Variants in MPPED2 observed in about 807,000 individuals in gnomAD.
The protein encoded by MPPED2 is metallophosphoesterase domain containing 2.
In MPPED2, 5 loss-of-function variants were observed where a neutral mutation model predicts 33.0. The ratio of observed to expected loss-of-function variants is 0.15; its 90% confidence interval spans 0.08 to 0.32. The LOEUF (loss-of-function observed/expected upper bound fraction) is 0.32. MPPED2 is among the 10% of genes least tolerant of loss of function. MPPED2 has a pLI of 1.00. For missense variants in MPPED2, 275 were observed against 372.1 expected, an observed-to-expected ratio of 0.74 and a Z score of 2.15; for synonymous variants, 136 against 141.9, an observed-to-expected ratio of 0.96 and a Z score of 0.29.
intron 1 of MPPED2, among the ~76,000 whole-genome samples, chr11:30,582,786 A>C (rs561354047): frequency 1.3e-5 from 2 of 152,300 alleles, no homozygotes; most frequent in African/African-American, 4.8e-5. Context: ...GCCTCTTTGC[A>C]CCTTTGCCCC....
intron 2 of MPPED2, among the ~76,000 whole-genome samples, chr11:30,570,586 C>G (rs1956645918): frequency 6.6e-6 from 1 of 152,100 alleles, no homozygotes; most frequent in Non-Finnish European, 1.5e-5. Flanking sequence ...CAAAATAAAA[C>G]AAACTGGAGA....
At chr11:30,426,339 C>A (rs118151165) in intron 4 of MPPED2, among the ~76,000 whole-genome samples, 4,101 of 152,304 alleles carry the variant, frequency 0.027, 93 homozygotes, top group Admixed American at 0.063. Flanking sequence ...GTTAGAAATT[C>A]ATTCCTTTTT....
At chr11:30,506,165 G>T (rs1952817438) in intron 3 of MPPED2, among the ~76,000 whole-genome samples, 1 of 152,010 alleles carries the variant, frequency 6.6e-6, no homozygotes, top group African/African-American at 2.4e-5. Flanking sequence ...AGCCTCCCAA[G>T]TAGCTGGGAC....
At chr11:30,414,930 G>A (rs572448223) in intron 5 of MPPED2, among the ~76,000 whole-genome samples, 1 of 152,066 alleles carries the variant, frequency 6.6e-6, no homozygotes, top group African/African-American at 2.4e-5. Flanking sequence ...AGCAAGCTGG[G>A]GCTAATTGAC....
intron 3 of MPPED2, among the ~76,000 whole-genome samples, chr11:30,511,095 G>C (rs1190951723): frequency 6.6e-6 from 1 of 152,054 alleles, no homozygotes; most frequent in African/African-American, 2.4e-5. Context: ...CTGTAGCATT[G>C]GATAAAAGAA....
intron 3 of MPPED2, among the ~76,000 whole-genome samples, chr11:30,510,388 T>C (rs1270321543): frequency 1.3e-5 from 2 of 152,222 alleles, no homozygotes; most frequent in African/African-American, 4.8e-5. Flanking sequence ...TCTTCCATGA[T>C]ACTAACATCA....
At chr11:30,541,448 A>G (rs1955109082) in intron 2 of MPPED2, among the ~76,000 whole-genome samples, 1 of 152,208 alleles carries the variant, frequency 6.6e-6, no homozygotes, top group South Asian at 2.1e-4. Context: ...CCATGTGTGC[A>G]GTATAACCTT....
chr11:30,486,860 T>C (rs528043479), intron 4 of MPPED2, among the ~76,000 whole-genome samples: 2 of 152,336 alleles, frequency 1.3e-5, no homozygotes, highest in African/African-American at 4.8e-5. Context: ...CTATCATCTC[T>C]AGTCTTTCCG....
At chr11:30,457,851 C>G (rs1950345254) in intron 4 of MPPED2, among the ~76,000 whole-genome samples, 1 of 152,134 alleles carries the variant, frequency 6.6e-6, no homozygotes, top group Non-Finnish European at 1.5e-5. Context: ...CGTGAGTCTC[C>G]CCAGAATCTC....
At chr11:30,565,438 C>T (rs894966226) in intron 2 of MPPED2, among the ~76,000 whole-genome samples, 30 of 152,100 alleles carry the variant, frequency 2.0e-4, no homozygotes, top group African/African-American at 7.0e-4. Context: ...TTTACCTAAA[C>T]AATGTCACTG....
chr11:30,426,464 A>G (rs1948843203), intron 4 of MPPED2, among the ~76,000 whole-genome samples: 1 of 152,252 alleles, frequency 6.6e-6, no homozygotes, highest in East Asian at 1.9e-4. Context: ...GGAGACCCGG[A>G]TAATAAGTCC....
intron 4 of MPPED2, among the ~76,000 whole-genome samples, chr11:30,445,109 G>A (rs1949744714): frequency 6.6e-6 from 1 of 152,080 alleles, no homozygotes; most frequent in Non-Finnish European, 1.5e-5. Flanking sequence ...TAGGTATGCA[G>A]TCATTGCCTG....
At chr11:30,484,252 T>C (rs1008429838) in intron 4 of MPPED2, among the ~76,000 whole-genome samples, 4 of 152,200 alleles carry the variant, frequency 2.6e-5, no homozygotes. Flanking sequence ...AAGACTATTA[T>C]TTAAGCTAGG....
chr11:30,469,780 C>T (rs1267385069), intron 4 of MPPED2, among the ~76,000 whole-genome samples: 4 of 152,262 alleles, frequency 2.6e-5, no homozygotes, highest in African/African-American at 7.2e-5. Context: ...CCATATCCCC[C>T]ATTGATTAGC....
rs887179286 is a variant in MPPED2 at position 30,416,307 on chromosome 11, C to T, written c.652+1211G>A. On this transcript the variant is annotated intron_variant, in intron 5 of 6. Transcript: ENST00000358117. ...CACTAAAATGTGCCACTATGGCCTCCGCCATGGTGCTCACTTCCACTGTTT... is the reference window on the plus strand; with the variant it reads ...CACTAAAATGTGCCACTATGGCCTCTGCCATGGTGCTCACTTCCACTGTTT... 3.3e-5 allele frequency among the ~76,000 whole-genome samples: 5 copies of T among 152,246 alleles called. No individual in the cohort carries two copies. In the South Asian group the frequency reaches 6.2e-4, roughly 19 times the overall value.
chr11:30,503,552 A>T (rs1410569571), intron 3 of MPPED2, among the ~76,000 whole-genome samples: 1 of 152,102 alleles, frequency 6.6e-6, no homozygotes, highest in Admixed American at 6.6e-5. Context: ...CTAATTGATT[A>T]CTATCTCCTA....
intron 4 of MPPED2, among the ~76,000 whole-genome samples, chr11:30,427,424 A>G (rs2094039831): frequency 2.0e-5 from 3 of 152,218 alleles, no homozygotes; most frequent in South Asian, 4.1e-4. Flanking sequence ...GTTGGGGAGC[A>G]TTTTACTAGC....
chr11:30,463,362 CA>C (rs1347593100), intron 4 of MPPED2, among the ~76,000 whole-genome samples: 2 of 152,174 alleles, frequency 1.3e-5, no homozygotes, highest in Non-Finnish European at 2.9e-5. Flanking sequence ...TTCCTCTCCC[CA>C]ACAGCCCCAA....
downstream of MPPED2, among the ~76,000 whole-genome samples, chr11:30,408,331 G>A (rs745344621): frequency 6.6e-5 from 10 of 151,970 alleles, no homozygotes; most frequent in Non-Finnish European, 1.5e-4. Flanking sequence ...TTTTTTTTCT[G>A]ACAGAGTTTT....
Sources: gnomAD v4.1 joint callset for allele counts (sites outside exome capture counted in the v4.1 genomes callset) on GRCh38, gnomAD v4.1.1 for gene constraint, MANE v1.5 for transcripts, NCBI Gene and HGNC (gene_info 2026-07-23, HGNC 2026-07-21) for gene names.